SLC24A2: variants seen among roughly 807,000 people sequenced by gnomAD.
The protein encoded by SLC24A2 is sodium/potassium/calcium exchanger 2.
SLC24A2 carries 36 observed loss-of-function variants against 62.0 expected under a neutral mutation model. That is an observed-to-expected ratio of 0.58 (90% CI 0.44 to 0.77). The LOEUF (loss-of-function observed/expected upper bound fraction) is 0.77. Among genes scored for constraint, SLC24A2 ranks in the 30% least tolerant of loss-of-function variants. The pLI, the probability that SLC24A2 is intolerant of heterozygous loss-of-function variation, is 0.00. For synonymous variants in SLC24A2, 358 were observed against 294.0 expected, an observed-to-expected ratio of 1.22 and a Z score of -2.23; for missense variants, 846 against 817.9, an observed-to-expected ratio of 1.03 and a Z score of -0.42.
the SLC24A2 span, among the ~76,000 whole-genome samples, chr9:19,831,622 A>T: frequency 6.6e-6 from 1 of 152,192 alleles, no homozygotes; most frequent in Non-Finnish European, 1.5e-5. Context: ...CCCCAACAGA[A>T]TTTTTAAAAT....
the SLC24A2 span, among the ~76,000 whole-genome samples, chr9:20,079,357 C>A: frequency 6.6e-6 from 1 of 152,208 alleles, no homozygotes; most frequent in African/African-American, 2.4e-5. Flanking sequence ...ATGCAACTAC[C>A]TCTCTGAATG....
At chr9:19,915,297 G>T in the SLC24A2 span, among the ~76,000 whole-genome samples, 1 of 152,016 alleles carries the variant, frequency 6.6e-6, no homozygotes, top group Non-Finnish European at 1.5e-5. Flanking sequence ...ATATTTCATT[G>T]CATGAATATA....
At chr9:19,983,584 A>C in the SLC24A2 span, among the ~76,000 whole-genome samples, 1 of 152,142 alleles carries the variant, frequency 6.6e-6, no homozygotes, top group African/African-American at 2.4e-5. Flanking sequence ...TGGAGGTTGT[A>C]AGTGAGCCAA....
chr9:19,639,196 T>C (rs560924621), intron 2 of SLC24A2, among the ~76,000 whole-genome samples: 1 of 152,340 alleles, frequency 6.6e-6, no homozygotes, highest in South Asian at 2.1e-4. Flanking sequence ...AAAGCACCAC[T>C]TTATTATAGG....
chr9:19,535,364 C>T lies in SLC24A2; in HGVS notation c.1480-7226G>A, dbSNP rs1294465519. Among the ~76,000 whole-genome samples the T allele has an allele frequency of 9.9e-5, 15 of 152,184 alleles. 1 individual carries two copies. The highest frequency in any genetic ancestry group is 3.6e-4 in the African/African-American group (15 of 41,498). ...AGAAGCTCTTTAGTTTAATGAGATC[C>T]CAGTTGCCAATTTTGGCTTTTGTTG... is the stretch of plus-strand genomic sequence containing the variant. On this transcript the variant is annotated intron_variant, in intron 8 of 10. Transcript: ENST00000341998.
chr9:19,848,067 G>T, the SLC24A2 span, among the ~76,000 whole-genome samples: 1 of 152,220 alleles, frequency 6.6e-6, no homozygotes, highest in Non-Finnish European at 1.5e-5. Flanking sequence ...TATGATATCA[G>T]ACTGTGTCAT....
At chr9:20,026,703 A>G in the SLC24A2 span, among the ~76,000 whole-genome samples, 1 of 152,214 alleles carries the variant, frequency 6.6e-6, no homozygotes, top group African/African-American at 2.4e-5. Context: ...TAAATGTAAG[A>G]TCTGAAACTA....
At chr9:19,658,455 A>G (rs1380719054) in intron 2 of SLC24A2, among the ~76,000 whole-genome samples, 1 of 152,248 alleles carries the variant, frequency 6.6e-6, no homozygotes, top group Non-Finnish European at 1.5e-5. Flanking sequence ...GATCAGAACC[A>G]TAATAAAACA....
chr9:19,880,184 A>G, the SLC24A2 span, among the ~76,000 whole-genome samples: 1 of 152,176 alleles, frequency 6.6e-6, no homozygotes, highest in Non-Finnish European at 1.5e-5. Context: ...TTGTGATGGC[A>G]TGAGAGGTAG....
intron 2 of SLC24A2, among the ~76,000 whole-genome samples, chr9:19,662,709 C>A (rs151030530): frequency 1.8e-4 from 28 of 152,270 alleles, no homozygotes; most frequent in African/African-American, 6.0e-4. Context: ...TGTTCTTTCC[C>A]CTTCTCTTTT....
rs1836780113 is a variant in SLC24A2 at position 19,599,135 on chromosome 9, C to T, written c.1079-1856G>A. Among the ~76,000 whole-genome samples, 1 of 152,192 alleles carries T rather than the reference C, an allele frequency of 6.6e-6. No individual in the cohort carries two copies. The highest frequency in any genetic ancestry group is 2.4e-5 in the African/African-American group (1 of 41,446). ...CCAACTTTCAAATATCTGCTTGTGG[C>T]AGATGATATTACTCCTCACCTCATC... On this transcript the variant is annotated intron_variant, in intron 4 of 10. Coordinates refer to ENST00000341998, the MANE Select transcript of SLC24A2 (RefSeq NM_020344.4). The surrounding 1 kb of genome is among the most constrained non-coding windows in gnomAD (Gnocchi z 4.5).
Position 19,719,600 on chromosome 9 carries a change from G to T in SLC24A2, c.930+66337C>A, listed in dbSNP as rs1249429267. On this transcript the variant is annotated intron_variant, in intron 2 of 10. Transcript: ENST00000341998. ...CCAGAAAGTTGAGATGCAGAGCAGA[G>T]AAAGAAGGAACCAGCCTGGGTTGCA... Among the ~76,000 whole-genome samples, 9 of 152,308 alleles carry T rather than the reference G, an allele frequency of 5.9e-5. No individual in the cohort carries two copies. The East Asian group carries it at 1.7e-3, about 29-fold the overall frequency.
the SLC24A2 span, among the ~76,000 whole-genome samples, chr9:19,903,428 A>G: frequency 6.6e-6 from 1 of 152,182 alleles, no homozygotes; most frequent in Non-Finnish European, 1.5e-5. Flanking sequence ...TTATCTCCCA[A>G]AGGCTTACCT....
the SLC24A2 span, among the ~76,000 whole-genome samples, chr9:19,982,590 G>T: frequency 6.6e-6 from 1 of 152,124 alleles, no homozygotes; most frequent in East Asian, 1.9e-4. Flanking sequence ...CTTCACTGGC[G>T]AATTCTACCA....
At chr9:19,898,950 CA>C in the SLC24A2 span, among the ~76,000 whole-genome samples, 1 of 152,010 alleles carries the variant, frequency 6.6e-6, no homozygotes, top group South Asian at 2.1e-4. Flanking sequence ...AAACAATATC[CA>C]AACTATACTA....
chr9:19,558,124 A>C (rs145918152), intron 7 of SLC24A2, among the ~76,000 whole-genome samples: 3 of 152,162 alleles, frequency 2.0e-5, no homozygotes. Context: ...TAAAAAGCTG[A>C]TAAGAAACAT....
intron 7 of SLC24A2, among the ~76,000 whole-genome samples, chr9:19,564,242 A>T (rs1015253903): frequency 6.6e-6 from 1 of 152,098 alleles, no homozygotes; most frequent in African/African-American, 2.4e-5. Context: ...TTAAAAAGAG[A>T]AATTAAAAAA....
At chr9:19,854,000 G>T in the SLC24A2 span, among the ~76,000 whole-genome samples, 2 of 152,138 alleles carry the variant, frequency 1.3e-5, no homozygotes, top group African/African-American at 2.4e-5. Flanking sequence ...GGTTTATTCA[G>T]GGATTCAGCT....
chr9:19,601,322 G>GGACA (rs542741213), intron 4 of SLC24A2, among the ~76,000 whole-genome samples: 136 of 152,322 alleles, frequency 8.9e-4, no homozygotes, highest in African/African-American at 3.2e-3. Context: ...CATTCTGATA[G>GGACA]GACAGAAATC....
Sources: allele counts gnomAD v4.1 joint callset (sites outside exome capture counted in the v4.1 genomes callset), GRCh38; gene constraint gnomAD v4.1.1; non-coding constraint Gnocchi (gnomAD v3.1); transcripts MANE v1.5; gene names NCBI Gene and HGNC (gene_info 2026-07-23, HGNC 2026-07-21).